EP300: variants seen among roughly 807,000 people sequenced by gnomAD.
The protein encoded by EP300 is histone acetyltransferase p300.
A neutral mutation model predicts 264.0 loss-of-function variants in EP300; 31 were observed. That is an observed-to-expected ratio of 0.12 (90% CI 0.09 to 0.16). The LOEUF (loss-of-function observed/expected upper bound fraction) is 0.16, where lower values mean the gene tolerates loss of function less well. Among genes scored for constraint, EP300 ranks in the 10% least tolerant of loss-of-function variants. The pLI is 1.00. For synonymous variants in EP300, 1,340 were observed against 1,045.4 expected (o/e 1.28, Z -5.44); for missense variants, 2,766 against 3,052.9 (o/e 0.91, Z 2.21).
chr22:41,175,855 G>C (rs555064798), intron 29 of EP300, among the ~76,000 whole-genome samples: 1 of 152,322 alleles, frequency 6.6e-6, no homozygotes, highest in East Asian at 1.9e-4. Flanking sequence ...AGTCTCAAGA[G>C]ACCAAAGAGG....
At chr22:41,096,538 T>C (rs959557913) in intron 1 of EP300, among the ~76,000 whole-genome samples, 1 of 151,892 alleles carries the variant, frequency 6.6e-6, no homozygotes, top group Admixed American at 6.6e-5. Flanking sequence ...GTGTGTAAAG[T>C]ATACCTGCTT....
chr22:41,130,882 T>G (rs1446610981), intron 5 of EP300, among the ~76,000 whole-genome samples: 10 of 152,170 alleles, frequency 6.6e-5, no homozygotes, highest in Middle Eastern at 3.4e-3. Flanking sequence ...CAACAAAAAT[T>G]TAAGCTTTTA....
intron 19 of EP300, 43 bp from the exon 20 acceptor site, chr22:41,160,599 G>T: frequency 2.5e-6 from 4 of 1,598,788 alleles, no homozygotes; most frequent in Non-Finnish European, 3.4e-6. Flanking sequence ...GCTGTGTTGT[G>T]TGAACGGAAC....
At chr22:41,140,002 T>A in intron 8 of EP300, 138 bp from the exon 9 acceptor site, 1 of 684,352 alleles carries the variant, frequency 1.5e-6, no homozygotes, top group Non-Finnish European at 2.6e-6. Context: ...CACAAAAAGA[T>A]AATTTCATTT....
Position 41,131,437 on chromosome 22 carries a change from G to A in EP300, c.1332G>A (p.Gly444=), listed in dbSNP as rs1205423042. 1.2e-6 allele frequency: 2 copies of A among 1,613,886 alleles called. No homozygotes were observed. The highest frequency in any genetic ancestry group is 1.7e-6 in the Non-Finnish European group (2 of 1,180,020). Residue 444 remains glycine (G), a synonymous_variant, in exon 6 of 31, where the codon GGG becomes GGA. Coordinates refer to ENST00000263253, the MANE Select transcript of EP300 (RefSeq NM_001429.4). ...PVGLGNPSSL[G]VGQQSAPNLS... ...GACTTGGAAATCCTAGCTCTCTAGG[G>A]GTGGGTCAACAGTCTGCCCCCAACC...
chr22:41,130,505 G>A (rs1328312087), intron 5 of EP300, among the ~76,000 whole-genome samples: 2 of 151,778 alleles, frequency 1.3e-5, no homozygotes, highest in East Asian at 3.9e-4. Context: ...GTCCAGCCTG[G>A]GTGACACAAG....
chr22:41,115,368 A>G (rs181118353), intron 1 of EP300, among the ~76,000 whole-genome samples: 1 of 152,328 alleles, frequency 6.6e-6, no homozygotes, highest in East Asian at 1.9e-4. Context: ...GAATTATCAC[A>G]TAGCTCAAAA....
At chr22:41,174,497 C>T (rs554171714) in intron 29 of EP300, 2 of 152,234 alleles carry the variant, frequency 1.3e-5, no homozygotes, top group Non-Finnish European at 2.9e-5. Context: ...GACTTACAAC[C>T]CCCTTCTCAA....
chr22:41,110,117 G>GCCC (rs60023863), intron 1 of EP300, among the ~76,000 whole-genome samples: 2,364 of 65,490 alleles, frequency 0.036, 305 homozygotes, highest in South Asian at 0.062. Context: ...CCTGTTCCCT[G>GCCC]CCCCCCCCCC....
At chr22:41,143,058 G>A (rs1295945410) in intron 10 of EP300, among the ~76,000 whole-genome samples, 1 of 152,246 alleles carries the variant, frequency 6.6e-6, no homozygotes, top group Non-Finnish European at 1.5e-5. Flanking sequence ...GTGGAACTGA[G>A]TATCAGCCTT....
chr22:41,152,505 A>C (rs2059052457), intron 16 of EP300, among the ~76,000 whole-genome samples, 155 bp downstream of exon 16: 1 of 150,522 alleles, frequency 6.6e-6, no homozygotes, highest in Non-Finnish European at 1.5e-5. Flanking sequence ...GTTACTAATA[A>C]TTTTTCTTTC....
intron 25 of EP300, 92 bp downstream of exon 25, chr22:41,168,959 G>C (rs2145764269): frequency 1.9e-6 from 3 of 1,575,672 alleles, no homozygotes; most frequent in Non-Finnish European, 8.7e-7. Flanking sequence ...AAAATGTTTA[G>C]TGTGTTTGGT....
chr22:41,168,730 C>T lies in EP300; in HGVS notation c.4035C>T (p.Asp1345=), dbSNP rs1411084947. The T allele has an allele frequency of 6.2e-7, 1 of 1,614,174 alleles. No individual in the cohort carries two copies. The highest frequency in any genetic ancestry group is 1.1e-5 in the South Asian group (1 of 91,080). ...CATCTCAATTGTATAGGTTTGTGGA[C>T]AGTGGAGAGATGGCAGAATCCTTTC... The part of the protein sequence containing the change: ...VKPGMKARFV[D]SGEMAESFPY... Residue 1345 remains aspartate (D), a synonymous_variant, in exon 25 of 31, where the codon GAC becomes GAT. Transcript: ENST00000263253.
chr22:41,158,537 C>T (rs2145749923), intron 19 of EP300, 37 bp downstream of exon 19: 2 of 1,556,430 alleles, frequency 1.3e-6, no homozygotes, highest in Non-Finnish European at 1.8e-6. Context: ...GTCCATGTGT[C>T]CACATGTCCA....
intron 29 of EP300, 35 bp from the exon 30 acceptor site, chr22:41,176,212 C>A (rs1431631529): frequency 1.9e-6 from 3 of 1,612,072 alleles, no homozygotes; most frequent in Admixed American, 3.3e-5. Flanking sequence ...AGAGCGAGGC[C>A]CTGTCTCAAA....
intron 3 of EP300, among the ~76,000 whole-genome samples, chr22:41,126,702 T>C (rs2058884269): frequency 6.7e-6 from 1 of 150,030 alleles, no homozygotes; most frequent in South Asian, 2.1e-4. Context: ...GAATGAAACA[T>C]GTCATCTCTG....
chr22:41,160,174 G>T (rs115231354), intron 19 of EP300: 118 of 178,526 alleles, frequency 6.6e-4, no homozygotes, highest in African/African-American at 2.8e-3. Context: ...AGCGTTAATT[G>T]CTGAAATGAA....
Position 41,101,572 on chromosome 22 carries a change from C to T in EP300, c.94+8474C>T, listed in dbSNP as rs369858131. 9.8e-3 allele frequency among the ~76,000 whole-genome samples: 1,490 copies of T among 151,876 alleles called. 28 individuals carry two copies. The highest frequency in any genetic ancestry group is 0.034 in the African/African-American group (1,410 of 41,350). ...GACTACAGGCACCCGCCACCATGCC[C>T]GGCTAATTTTTTGTATTTTTAGTAG... On this transcript the variant is annotated intron_variant, in intron 1 of 30. Transcript: ENST00000263253.
chr22:41,178,315 G>A lies in EP300; in HGVS notation c.6604G>A (p.Gly2202Ser), dbSNP rs374411105. The A allele has an allele frequency of 1.2e-6, 2 of 1,614,168 alleles. No individual in the cohort carries two copies. The highest frequency in any genetic ancestry group is 1.7e-6 in the Non-Finnish European group (2 of 1,180,016). ...QQQQGAGPGI[G>S]PGMANHNQFQ... ...GCAACAGGGAGCAGGGCCAGGAATA[G>A]GCCCTGGAATGGCCAACCATAACCA... Residue 2202 changes from glycine (G) to serine (S), a missense_variant, in exon 31 of 31, where the codon GGC (glycine) becomes AGC (serine). By Grantham distance (56) the Gly-to-Ser change is moderately conservative. Transcript: ENST00000263253.
Sources: allele counts gnomAD v4.1 joint callset (sites outside exome capture counted in the v4.1 genomes callset), GRCh38; gene constraint gnomAD v4.1.1; transcripts MANE v1.5; gene names NCBI Gene and HGNC (gene_info 2026-07-23, HGNC 2026-07-21).